Variants in FREM1 observed in about 807,000 individuals in gnomAD.
FREM1 encodes FRAS1 related extracellular matrix 1, also known as FRAS1-related extracellular matrix protein 1.
Under a neutral mutation model 210.1 loss-of-function variants are expected in FREM1, and 220 were observed. The ratio of observed to expected loss-of-function variants is 1.05; its 90% confidence interval spans 0.94 to 1.17. The LOEUF is 1.17. Ranked by LOEUF, FREM1 falls within the 50% of genes most tolerant of loss-of-function variation. The pLI is 0.00. For missense variants in FREM1, 3,454 were observed against 2,675.5 expected (o/e 1.29, Z -6.42); for synonymous variants, 1,189 against 980.2 (o/e 1.21, Z -3.98).
At chr9:14,754,706 G>C (rs1452660381) in intron 29 of FREM1, among the ~76,000 whole-genome samples, 4 of 152,120 alleles carry the variant, frequency 2.6e-5, no homozygotes, top group African/African-American at 7.2e-5. Flanking sequence ...GGCTGAGGTA[G>C]GCAGATCACA....
chr9:14,803,935 T>C (rs1056095058), intron 19 of FREM1, among the ~76,000 whole-genome samples: 1 of 152,212 alleles, frequency 6.6e-6, no homozygotes, highest in Admixed American at 6.5e-5. Flanking sequence ...TTAAAATATG[T>C]TATAATATCC....
intron 28 of FREM1, among the ~76,000 whole-genome samples, chr9:14,757,206 G>C (rs1045798238): frequency 1.3e-5 from 2 of 152,202 alleles, no homozygotes; most frequent in Admixed American, 1.3e-4. Context: ...GGCGATTTTA[G>C]CGCTCTGAAG....
At chr9:14,879,494 C>A (rs942989363) in intron 1 of FREM1, among the ~76,000 whole-genome samples, 3 of 152,148 alleles carry the variant, frequency 2.0e-5, no homozygotes, top group Non-Finnish European at 2.9e-5. Flanking sequence ...ATCTATCCAA[C>A]AGAGATAAAA....
chr9:14,854,031 A>G (rs987537626), intron 5 of FREM1, among the ~76,000 whole-genome samples: 3 of 152,210 alleles, frequency 2.0e-5, no homozygotes, highest in Admixed American at 6.5e-5. Context: ...TTATATAAAC[A>G]AAGCAATTGC....
At chr9:14,902,182 C>T (rs1838906164) in intron 1 of FREM1, among the ~76,000 whole-genome samples, 1 of 152,156 alleles carries the variant, frequency 6.6e-6, no homozygotes, top group South Asian at 2.1e-4. Flanking sequence ...TTCCATCACT[C>T]CTGGACAAGT....
chr9:14,850,325 G>C (rs1036710552), intron 6 of FREM1: 1 of 152,058 alleles, frequency 6.6e-6, no homozygotes, highest in Admixed American at 6.6e-5. Context: ...ATAAGACTAC[G>C]GAATGTCCTA....
intron 35 of FREM1, among the ~76,000 whole-genome samples, chr9:14,745,872 CTTTATAATCAT>C (rs1226755026): frequency 6.6e-6 from 1 of 152,152 alleles, no homozygotes; most frequent in East Asian, 1.9e-4. Context: ...ACTTGCCCAG[CTTTATAATCAT>C]TGCTGTATAA....
chr9:14,889,941 T>C (rs1836496692), intron 1 of FREM1, among the ~76,000 whole-genome samples: 1 of 152,192 alleles, frequency 6.6e-6, no homozygotes. Context: ...GAAAATGTAT[T>C]AGGACAAAGA....
intron 1 of FREM1, among the ~76,000 whole-genome samples, chr9:14,887,353 A>C (rs1266261093): frequency 6.6e-6 from 1 of 152,218 alleles, no homozygotes; most frequent in Non-Finnish European, 1.5e-5. Context: ...TGGGAGAAAC[A>C]AGCCTCGGGC....
Position 14,836,027 on chromosome 9 carries a change from A to T in FREM1, c.1881+5420T>A, listed in dbSNP as rs1251512478. ...GTGAATCAATATGCTAGTTCTGGGC[A>T]ATTATCTTGCAACTTCTGCCGGGTA... On this transcript the variant is annotated intron_variant, in intron 10 of 36. Coordinates refer to ENST00000380880, the MANE Select transcript of FREM1 (RefSeq NM_001379081.2). The surrounding 1 kb of genome is among the most constrained non-coding windows in gnomAD (Gnocchi z 4.9). Among the ~76,000 whole-genome samples the T allele has an allele frequency of 6.6e-6, 1 of 152,222 alleles. No individual in the cohort carries two copies. The highest frequency in any genetic ancestry group is 1.9e-4 in the East Asian group (1 of 5,194).
Position 14,881,380 on chromosome 9 carries a change from G to A in FREM1, c.-267-12136C>T, listed in dbSNP as rs546222005. Among the ~76,000 whole-genome samples, 3 of 152,164 alleles carry A rather than the reference G, an allele frequency of 2.0e-5. No individual in the cohort carries two copies. In the South Asian group the frequency reaches 6.2e-4, roughly 32 times the overall value. Reference sequence around the variant, plus strand: ...TTTACAGCCAATCTGGGTATAAATAGGAATAAGTCAATCTCAACAGGAAAA... The same window carrying A: ...TTTACAGCCAATCTGGGTATAAATAAGAATAAGTCAATCTCAACAGGAAAA... On this transcript the variant is annotated intron_variant, in intron 1 of 36. Transcript: ENST00000380880.
rs183534631 is a variant in FREM1, at chr9:14,865,615, T to C, written c.235-1712A>G. Among the ~76,000 whole-genome samples the C allele has an allele frequency of 2.6e-3, 393 of 152,204 alleles. 3 individuals carry two copies. The highest frequency in any genetic ancestry group is 9.1e-3 in the African/African-American group (377 of 41,526). ...TGCTAGAAATGGGTTCACATAAGCT[T>C]GGCTTTCAGCTTATTACTAAGCTCT... On this transcript the variant is annotated intron_variant, in intron 2 of 36. Coordinates refer to ENST00000380880, the MANE Select transcript of FREM1 (RefSeq NM_001379081.2).
chr9:14,879,959 A>G (rs1356442457), intron 1 of FREM1, among the ~76,000 whole-genome samples: 2 of 152,246 alleles, frequency 1.3e-5, no homozygotes, highest in East Asian at 3.9e-4. Context: ...CCCTCACCAA[A>G]TTTATATGTT....
intron 10 of FREM1, among the ~76,000 whole-genome samples, chr9:14,826,260 T>A (rs543877390): frequency 6.6e-6 from 1 of 152,072 alleles, no homozygotes; most frequent in East Asian, 1.9e-4. Context: ...CCCAGCTAAT[T>A]TTTGTATTTT....
chr9:14,860,406 G>A lies in FREM1; in HGVS notation c.330-922C>T, dbSNP rs1339453604. On this transcript the variant is annotated intron_variant, in intron 3 of 36. Coordinates refer to ENST00000380880, the MANE Select transcript of FREM1 (RefSeq NM_001379081.2). The stretch of plus-strand genomic sequence containing the variant: ...AAGCTCCTCTAACCCTGCATTTCAT[G>A]TATACTCTTCCAGCCTCCCAGCAGC... 4.6e-5 allele frequency among the ~76,000 whole-genome samples: 7 copies of A among 151,950 alleles called. No individual in the cohort carries two copies. In the South Asian group the frequency reaches 1.2e-3, roughly 27 times the overall value.
At chr9:14,875,495 G>A (rs965552001) in intron 1 of FREM1, among the ~76,000 whole-genome samples, 5 of 151,984 alleles carry the variant, frequency 3.3e-5, no homozygotes, top group African/African-American at 4.8e-5. Flanking sequence ...CATTCTTCAC[G>A]TAGTTCTCGA....
Position 14,737,369 on chromosome 9 carries a change from G to A in FREM1, c.*27C>T. 6.4e-7 allele frequency: 1 copy of A among 1,570,864 alleles called. No homozygotes were observed. On this transcript the variant is annotated 3_prime_UTR_variant, in exon 37 of 37. Coordinates refer to ENST00000380880, the MANE Select transcript of FREM1 (RefSeq NM_001379081.2). ...GTGAATAAATAGGTGACAAACTCCA[G>A]GTGGCCCCCTGTAGGGTCTGTTATA...
chr9:14,785,382 C>G (rs1042335089), intron 23 of FREM1, among the ~76,000 whole-genome samples: 1 of 152,078 alleles, frequency 6.6e-6, no homozygotes, highest in Non-Finnish European at 1.5e-5. Flanking sequence ...GTATTTTTTT[C>G]TGGAGAACGT....
chr9:14,805,785 TTA>T (rs1225381091), intron 18 of FREM1, among the ~76,000 whole-genome samples: 2 of 152,230 alleles, frequency 1.3e-5, no homozygotes, highest in African/African-American at 4.8e-5. Context: ...GGAGAATCAT[TTA>T]TATGTCTTTG....
Sources: gnomAD v4.1 joint callset for allele counts (sites outside exome capture counted in the v4.1 genomes callset) on GRCh38, gnomAD v4.1.1 for gene constraint, Gnocchi (gnomAD v3.1) non-coding constraint, MANE v1.5 for transcripts, NCBI Gene and HGNC (gene_info 2026-07-23, HGNC 2026-07-21) for gene names.